Variants in PLEKHA7 observed in about 807,000 individuals in gnomAD.
PLEKHA7 encodes the protein pleckstrin homology domain-containing family A member 7.
In PLEKHA7, 104 loss-of-function variants were observed where a neutral mutation model predicts 170.0. That is an observed-to-expected ratio of 0.61 (90% CI 0.52 to 0.72). The LOEUF (loss-of-function observed/expected upper bound fraction) is 0.72, where lower values mean the gene tolerates loss of function less well. Among genes scored for constraint, PLEKHA7 ranks in the 30% least tolerant of loss-of-function variants. The pLI is 0.00. For synonymous variants in PLEKHA7, 648 were observed against 660.8 expected (o/e 0.98, Z 0.30); for missense variants, 1,615 against 1,671.7 (o/e 0.97, Z 0.59).
intron 17 of PLEKHA7, among the ~76,000 whole-genome samples, chr11:16,798,182 G>T (rs564101359): frequency 1.3e-5 from 2 of 152,378 alleles, no homozygotes; most frequent in South Asian, 4.1e-4. Flanking sequence ...ACATGGGGCT[G>T]CAAGTGCATC....
intron 4 of PLEKHA7, among the ~76,000 whole-genome samples, chr11:16,857,049 A>G (rs1405510497): frequency 6.6e-6 from 1 of 152,198 alleles, no homozygotes; most frequent in East Asian, 1.9e-4. Context: ...CTTCACACAG[A>G]CACTTTTAGA....
chr11:16,975,629 G>A (rs1863012904), intron 3 of PLEKHA7, among the ~76,000 whole-genome samples: 2 of 152,064 alleles, frequency 1.3e-5, no homozygotes, highest in Non-Finnish European at 2.9e-5. Flanking sequence ...AAACTATATA[G>A]TTAAGTGAGA....
Position 16,789,945 on chromosome 11 carries a change from TCA to T in PLEKHA7, c.3053-69_3053-68del, listed in dbSNP as rs1210256059. ...TGGATGGGTCCCTGCTTCTCCCTCATCACACATTCTTGCAGGAGTACCAAGAG... is the reference window on the plus strand; with the variant it reads ...TGGATGGGTCCCTGCTTCTCCCTCATCACATTCTTGCAGGAGTACCAAGAG... On this transcript the variant is annotated intron_variant, in intron 21 of 26. Transcript: ENST00000531066. The surrounding 1 kb of genome is among the most constrained non-coding windows in gnomAD (Gnocchi z 4.6). 2.1e-5 allele frequency: 28 copies of T among 1,361,716 alleles called. No homozygotes were observed. The highest frequency in any genetic ancestry group is 2.9e-5 in the Non-Finnish European group (28 of 955,878). The allele number at this position is 1,361,716 out of a possible 1,614,324, so 84.4% of individuals were successfully genotyped here. A position where few individuals can be genotyped will look rare whatever the true frequency, so the allele number is the denominator to read the frequency against.
intron 3 of PLEKHA7, among the ~76,000 whole-genome samples, chr11:16,920,762 C>T (rs1000148678): frequency 1.4e-4 from 22 of 152,184 alleles, no homozygotes; most frequent in African/African-American, 4.8e-4. Context: ...CAGGCTGCTA[C>T]AGGAGCAGAG....
intron 3 of PLEKHA7, among the ~76,000 whole-genome samples, chr11:16,972,683 A>C (rs1277260003): frequency 6.6e-6 from 1 of 152,112 alleles, no homozygotes; most frequent in Admixed American, 6.5e-5. Flanking sequence ...GGCCTCCCAA[A>C]GTGCTGGGAT....
chr11:16,869,097 C>T (rs767972379), intron 4 of PLEKHA7, among the ~76,000 whole-genome samples: 44 of 152,216 alleles, frequency 2.9e-4, no homozygotes, highest in Non-Finnish European at 5.4e-4. Context: ...ATTCTATAAA[C>T]AAATTCATTC....
chr11:16,965,389 C>T (rs1412912737), intron 3 of PLEKHA7, among the ~76,000 whole-genome samples: 1 of 152,158 alleles, frequency 6.6e-6, no homozygotes, highest in East Asian at 1.9e-4. Flanking sequence ...GTTTTTTCCT[C>T]TGAATTTTAA....
In PLEKHA7 at chr11:16,789,921, G is replaced by A. The variant is rs1356713310; in HGVS notation, c.3053-43C>T. 1.3e-6 allele frequency: 2 copies of A among 1,537,442 alleles called. No homozygotes were observed. Among genetic ancestry groups the A allele is most frequent in the African/African-American group, 2.7e-5 (2 of 73,380 alleles). On this transcript the variant is annotated intron_variant, in intron 21 of 26. Coordinates refer to ENST00000531066, the MANE Select transcript of PLEKHA7 (RefSeq NM_001329630.2). This position sits in a 1 kb window ranked among gnomAD's most constrained non-coding sequence, Gnocchi z 4.6. ...AGTGCAAGCATGTTTGTGCTGGGGT[G>A]GATGGGTCCCTGCTTCTCCCTCATC... is the stretch of plus-strand genomic sequence containing the variant.
intron 3 of PLEKHA7, among the ~76,000 whole-genome samples, chr11:16,957,699 T>A (rs1257351540): frequency 8.5e-5 from 4 of 47,060 alleles, no homozygotes; most frequent in Non-Finnish European, 1.5e-4. Flanking sequence ...ATTTTTTTCT[T>A]TTTTTTTTTT....
At chr11:16,836,910 G>A (rs553979039) in intron 9 of PLEKHA7, among the ~76,000 whole-genome samples, 219 of 151,596 alleles carry the variant, frequency 1.4e-3, no homozygotes, top group African/African-American at 5.1e-3. Context: ...TGAAACCTCT[G>A]CCTCCTGAGT....
rs1293827830 is a variant in PLEKHA7 at position 16,791,365 on chromosome 11, T to G, written c.2746-166A>C. On this transcript the variant is annotated intron_variant, in intron 19 of 26. Coordinates refer to ENST00000531066, the MANE Select transcript of PLEKHA7 (RefSeq NM_001329630.2). The surrounding 1 kb of genome is among the most constrained non-coding windows in gnomAD (Gnocchi z 4.5). ...ACTCACACTTCCCCTGGCGGAGCAG[T>G]GAAGAAGGGACATGCTCTGCTCCTC... 1.5e-6 allele frequency: 1 copy of G among 647,224 alleles called. No homozygotes were observed. Among genetic ancestry groups the G allele is most frequent in the African/African-American group, 1.8e-5 (1 of 54,706 alleles). 40.1% of individuals were successfully genotyped at this position (647,224 alleles called of 1,614,324 possible).
intron 13 of PLEKHA7, among the ~76,000 whole-genome samples, chr11:16,811,593 A>G (rs1185253952): frequency 1.3e-5 from 2 of 152,180 alleles, no homozygotes; most frequent in East Asian, 3.8e-4. Flanking sequence ...TTTGGTCCAT[A>G]CAGCTATGCT....
At chr11:16,936,437 A>G (rs1235682628) in intron 3 of PLEKHA7, among the ~76,000 whole-genome samples, 1 of 142,550 alleles carries the variant, frequency 7.0e-6, no homozygotes, top group African/African-American at 2.6e-5. Context: ...TCAGGTCTCT[A>G]TTAGAATAAT....
chr11:16,867,858 A>C (rs150220951), intron 4 of PLEKHA7, among the ~76,000 whole-genome samples: 7 of 152,182 alleles, frequency 4.6e-5, no homozygotes, highest in African/African-American at 1.7e-4. Context: ...CCCTTATCTA[A>C]ATCTTCCCTC....
intron 13 of PLEKHA7, among the ~76,000 whole-genome samples, chr11:16,805,861 T>C (rs1848948725): frequency 6.6e-6 from 1 of 151,764 alleles, no homozygotes; most frequent in Admixed American, 6.6e-5. Context: ...GGTTAGGAAT[T>C]CAAAGGACTA....
At chr11:17,012,940 G>A (rs749914536) in intron 3 of PLEKHA7, 1 of 152,184 alleles carries the variant, frequency 6.6e-6, no homozygotes, top group Non-Finnish European at 1.5e-5. Flanking sequence ...GAGGTTCCGG[G>A]GTTTTCTTGA....
intron 9 of PLEKHA7, among the ~76,000 whole-genome samples, chr11:16,828,551 C>T (rs968904214): frequency 6.6e-6 from 1 of 152,144 alleles, no homozygotes; most frequent in Non-Finnish European, 1.5e-5. Context: ...TCGCTGTTCA[C>T]GTACCAATGT....
chr11:16,932,882 G>A (rs964356270), intron 3 of PLEKHA7, among the ~76,000 whole-genome samples: 46 of 152,264 alleles, frequency 3.0e-4, no homozygotes, highest in African/African-American at 1.1e-3. Context: ...GAAGGAAGAA[G>A]GACAAGTGAG....
At chr11:16,805,954 G>A (rs556284308) in intron 13 of PLEKHA7, among the ~76,000 whole-genome samples, 6 of 152,220 alleles carry the variant, frequency 3.9e-5, no homozygotes, top group South Asian at 2.1e-4. Context: ...CTTTCCACAC[G>A]TTGCATCTGC....
Sources: gnomAD v4.1 joint callset for allele counts (sites outside exome capture counted in the v4.1 genomes callset) on GRCh38, gnomAD v4.1.1 for gene constraint, Gnocchi (gnomAD v3.1) non-coding constraint, MANE v1.5 for transcripts, NCBI Gene and HGNC (gene_info 2026-07-23, HGNC 2026-07-21) for gene names.